The following TUSC3 variants were observed in gnomAD, a reference collection of about 807,000 sequenced individuals.
The protein encoded by TUSC3 is dolichyl-diphosphooligosaccharide--protein glycosyltransferase subunit TUSC3.
Under a neutral mutation model 44.8 loss-of-function variants are expected in TUSC3, and 45 were observed. That is an observed-to-expected ratio of 1.00 (90% confidence interval 0.79 to 1.29). The LOEUF (loss-of-function observed/expected upper bound fraction) is 1.29. TUSC3 is among the 50% of genes most tolerant of loss of function. The pLI, the probability that TUSC3 is intolerant of heterozygous loss-of-function variation, is 0.00. For missense variants in TUSC3, 519 were observed against 437.9 expected (o/e 1.19, Z -1.65); for synonymous variants, 212 against 152.9 (o/e 1.39, Z -2.85).
chr8:15,521,504 A>G (rs1801296005), intron 2 of TUSC3, among the ~76,000 whole-genome samples: 1 of 152,194 alleles, frequency 6.6e-6, no homozygotes, highest in South Asian at 2.1e-4. Context: ...GGAGACTGGC[A>G]CATGATCCCA....
intron 10 of TUSC3, among the ~76,000 whole-genome samples, chr8:15,763,404 TTTTG>T (rs1249257620): frequency 2.6e-5 from 4 of 151,862 alleles, no homozygotes; most frequent in African/African-American, 7.2e-5. Flanking sequence ...TGTTGTTGTT[TTTTG>T]TTTTCTTTTT....
Position 15,578,628 on chromosome 8 carries a change from C to T in TUSC3, c.138+38060C>T, listed in dbSNP as rs976133145. ...ATGCTGGATTACATTTATTGATTTG[C>T]GTATATTGAACCAGCCTTGTGTCCC... On this transcript the variant is annotated intron_variant, in intron 1 of 10. Coordinates refer to ENST00000503731, the MANE Select transcript of TUSC3 (RefSeq NM_006765.4). Among the ~76,000 whole-genome samples the T allele has an allele frequency of 5.0e-4, 75 of 150,348 alleles. No homozygotes were observed. The South Asian group carries it at 7.9e-3, about 16-fold the overall frequency.
intron 1 of TUSC3, among the ~76,000 whole-genome samples, chr8:15,446,688 C>T (rs1043389936): frequency 1.4e-4 from 19 of 134,474 alleles, no homozygotes; most frequent in Admixed American, 1.8e-4. Flanking sequence ...TCTAGTCCAG[C>T]CTCGGCTCGG....
chr8:15,540,360 G>A lies in TUSC3; in HGVS notation c.-71G>A. The A allele has an allele frequency of 7.0e-7, 1 of 1,424,348 alleles. No homozygotes were observed. The highest frequency in any genetic ancestry group is 9.2e-7 in the Non-Finnish European group (1 of 1,085,114). 88.2% of individuals were successfully genotyped at this position (1,424,348 alleles called of 1,614,324 possible). A position where few individuals can be genotyped will look rare whatever the true frequency, so the allele number is the denominator to read the frequency against. On this transcript the variant is annotated 5_prime_UTR_variant, in exon 1 of 11. Coordinates refer to ENST00000503731, the MANE Select transcript of TUSC3 (RefSeq NM_006765.4). ...CAGCGGGCTCCCGGAGGCTGGCCGGGCAGGCGTGGTGCGCGGTAGGAGCTG... is the reference window on the plus strand; with the variant it reads ...CAGCGGGCTCCCGGAGGCTGGCCGGACAGGCGTGGTGCGCGGTAGGAGCTG...
chr8:15,556,163 C>A (rs1450340207), intron 1 of TUSC3, among the ~76,000 whole-genome samples: 1 of 117,198 alleles, frequency 8.5e-6, no homozygotes, highest in Non-Finnish European at 1.7e-5. Context: ...CCCCTCCCCC[C>A]ACCCCACAAC....
At chr8:15,503,356 T>C (rs963085466) in intron 2 of TUSC3, among the ~76,000 whole-genome samples, 1 of 152,132 alleles carries the variant, frequency 6.6e-6, no homozygotes, top group African/African-American at 2.4e-5. Flanking sequence ...AAATTCTTGT[T>C]TGAGCCACCC....
At chr8:15,628,362 A>C (rs2129166857) in intron 2 of TUSC3, among the ~76,000 whole-genome samples, 1 of 152,320 alleles carries the variant, frequency 6.6e-6, no homozygotes, top group African/African-American at 2.4e-5. Context: ...TTTTGGTGTT[A>C]AATCATTTGT....
intron 1 of TUSC3, among the ~76,000 whole-genome samples, chr8:15,467,090 G>T (rs758804968): frequency 6.6e-6 from 1 of 151,876 alleles, no homozygotes; most frequent in African/African-American, 2.4e-5. Flanking sequence ...TTAAGAGCTT[G>T]GCCTATTTGG....
At chr8:15,477,855 T>C (rs921587189) in intron 1 of TUSC3, among the ~76,000 whole-genome samples, 16 of 152,228 alleles carry the variant, frequency 1.1e-4, no homozygotes, top group African/African-American at 3.4e-4. Flanking sequence ...GCTGTTTTTT[T>C]CTTGCTTTCC....
intron 2 of TUSC3, among the ~76,000 whole-genome samples, chr8:15,623,590 A>C (rs1805349672): frequency 6.6e-6 from 1 of 151,890 alleles, no homozygotes; most frequent in Non-Finnish European, 1.5e-5. Context: ...TTTTTAATAG[A>C]GAGGACTCAC....
At chr8:15,657,748 T>G (rs13278140) in intron 3 of TUSC3, among the ~76,000 whole-genome samples, 6 of 152,034 alleles carry the variant, frequency 3.9e-5, no homozygotes, top group Admixed American at 2.6e-4. Flanking sequence ...TTCCAGGTAT[T>G]TGTTGTAGCA....
chr8:15,481,713 C>G (rs1800663711), intron 1 of TUSC3, among the ~76,000 whole-genome samples: 1 of 152,070 alleles, frequency 6.6e-6, no homozygotes, highest in South Asian at 2.1e-4. Flanking sequence ...AATGTACATA[C>G]CTTAATTTTA....
intron 5 of TUSC3, among the ~76,000 whole-genome samples, chr8:15,670,840 A>C (rs1464036418): frequency 6.6e-6 from 1 of 151,942 alleles, no homozygotes; most frequent in Admixed American, 6.6e-5. Flanking sequence ...TTGACAAAAC[A>C]AGAATAAGAC....
chr8:15,590,073 G>A (rs1485895962), intron 1 of TUSC3, among the ~76,000 whole-genome samples: 1 of 152,130 alleles, frequency 6.6e-6, no homozygotes, highest in Non-Finnish European at 1.5e-5. Flanking sequence ...TCTGTTAAAA[G>A]CATCTGACTT....
intron 7 of TUSC3, among the ~76,000 whole-genome samples, chr8:15,736,921 C>G (rs1042436535): frequency 1.3e-5 from 2 of 152,024 alleles, no homozygotes; most frequent in African/African-American, 4.8e-5. Context: ...TATATAATCT[C>G]TGACCTAAGT....
chr8:15,803,727 G>T, the TUSC3 span, among the ~76,000 whole-genome samples: 1 of 152,014 alleles, frequency 6.6e-6, no homozygotes, highest in Non-Finnish European at 1.5e-5. Context: ...TCACCCCCTG[G>T]CAGGCCCCAG....
the TUSC3 span, among the ~76,000 whole-genome samples, chr8:15,798,223 GA>G: frequency 1.3e-5 from 2 of 152,130 alleles, no homozygotes; most frequent in Admixed American, 6.5e-5. Context: ...ACAGAACATT[GA>G]ATAGACCCTT....
At chr8:15,607,865 C>T (rs569413099) in intron 1 of TUSC3, among the ~76,000 whole-genome samples, 1 of 152,206 alleles carries the variant, frequency 6.6e-6, no homozygotes, top group South Asian at 2.1e-4. Flanking sequence ...CTCCCTAATT[C>T]TCTTCCCTGT....
At chr8:15,631,263 G>T (rs1345594817) in intron 2 of TUSC3, among the ~76,000 whole-genome samples, 1 of 152,166 alleles carries the variant, frequency 6.6e-6, no homozygotes, top group Non-Finnish European at 1.5e-5. Flanking sequence ...GAAGGCATAT[G>T]ACGTAACTTT....
Sources: gnomAD v4.1 joint callset for allele counts (sites outside exome capture counted in the v4.1 genomes callset) on GRCh38, gnomAD v4.1.1 for gene constraint, MANE v1.5 for transcripts, NCBI Gene and HGNC (gene_info 2026-07-23, HGNC 2026-07-21) for gene names.